Variants in TFRC observed in about 807,000 individuals in gnomAD.
The protein encoded by TFRC is transferrin receptor protein 1.
In TFRC, 35 loss-of-function variants were observed where a neutral mutation model predicts 85.8. That is an observed-to-expected ratio of 0.41 (90% CI 0.31 to 0.54). The LOEUF (loss-of-function observed/expected upper bound fraction) is 0.54, where lower values mean the gene tolerates loss of function less well. TFRC is among the 20% of genes least tolerant of loss of function. The pLI is 0.31. For missense variants in TFRC, 828 were observed against 921.5 expected (o/e 0.90, Z 1.31); for synonymous variants, 362 against 328.6 (o/e 1.10, Z -1.10).
At chr3:196,081,044 G>A (rs1719127745) in intron 1 of TFRC, among the ~76,000 whole-genome samples, 1 of 152,166 alleles carries the variant, frequency 6.6e-6, no homozygotes, top group African/African-American at 2.4e-5. Context: ...CAGAGGGAAA[G>A]CGTTATCCGA....
intron 4 of TFRC, among the ~76,000 whole-genome samples, chr3:196,073,701 G>A (rs1182529021): frequency 6.6e-6 from 1 of 152,004 alleles, no homozygotes; most frequent in Non-Finnish European, 1.5e-5. Flanking sequence ...AAACATCAAG[G>A]GCCTATTAAT....
chr3:196,049,337 A>G lies in TFRC; in HGVS notation c.*2605T>C, dbSNP rs558333308. ...ACAAGGAATCTCCACACTGTTGCAC[A>G]TAACAGCTTTTATACAATGATAAGG... On this transcript the variant is annotated 3_prime_UTR_variant, in exon 19 of 19. Coordinates refer to ENST00000360110, the MANE Select transcript of TFRC (RefSeq NM_001128148.3). 2 of 190,806 alleles carry G rather than the reference A, an allele frequency of 1.0e-5. No homozygotes were observed. The highest frequency in any genetic ancestry group is 8.4e-5 in the East Asian group (1 of 11,836). 11.8% of individuals were successfully genotyped at this position (190,806 alleles called of 1,614,324 possible).
intron 18 of TFRC, 86 bp downstream of exon 18, chr3:196,053,332 T>C: frequency 6.8e-7 from 1 of 1,477,368 alleles, no homozygotes. Context: ...TCTAGACTCC[T>C]AGAGTTTGTC....
rs41299370 is a variant in TFRC at position 196,050,194 on chromosome 3, A to T, written c.*1748T>A. On this transcript the variant is annotated 3_prime_UTR_variant, in exon 19 of 19. Coordinates refer to ENST00000360110, the MANE Select transcript of TFRC (RefSeq NM_001128148.3). ...ACATGCAAATAATGTGATAAAGTTA[A>T]AATGACTTGTCAATAGCAAACATTA... 2 of 227,010 alleles carry T rather than the reference A, an allele frequency of 8.8e-6. No individual in the cohort carries two copies. The highest frequency in any genetic ancestry group is 1.3e-4 in the East Asian group (2 of 15,744). The allele number at this position is 227,010 out of a possible 1,614,324, so 14.1% of individuals were successfully genotyped here.
chr3:196,072,269 T>G, intron 4 of TFRC, 117 bp from the exon 5 acceptor site: 1 of 1,370,116 alleles, frequency 7.3e-7, no homozygotes, highest in South Asian at 1.3e-5. Context: ...TTCAGATAAA[T>G]GAACTGTGAC....
chr3:196,054,605 T>C (rs1470897268), intron 17 of TFRC, among the ~76,000 whole-genome samples: 1 of 152,216 alleles, frequency 6.6e-6, no homozygotes, highest in South Asian at 2.1e-4. Flanking sequence ...CCAGCAATCC[T>C]CCTGCCTCAG....
chr3:196,053,328 C>A, intron 18 of TFRC, 90 bp downstream of exon 18: 1 of 1,430,724 alleles, frequency 7.0e-7, no homozygotes. Flanking sequence ...GAATTCTAGA[C>A]TCCTAGAGTT....
At position 196,058,368 on chromosome 3, in the gene TFRC, G is replaced by A; in HGVS notation, c.1596-3C>T. 1.2e-6 allele frequency: 2 copies of A among 1,611,718 alleles called. No individual in the cohort carries two copies. Among genetic ancestry groups the A allele is most frequent in the Non-Finnish European group, 8.5e-7 (1 of 1,178,070 alleles). ...CATTGTCTAAAGTGAGTTTCTCACT[G>A]CAAAGACAAAGAATGTGTCTTTAGA... On this transcript the variant is annotated splice_polypyrimidine_tract_variant and splice_region_variant and intron_variant, in intron 15 of 18. Coordinates refer to ENST00000360110, the MANE Select transcript of TFRC (RefSeq NM_001128148.3).
chr3:196,074,006 G>A lies in TFRC; in HGVS notation c.358C>T (p.Arg120Cys), dbSNP rs768793663. The change falls in exon 4 of 19, where the codon CGT becomes TGT. Residue 120 changes from arginine (R) to cysteine (C), a missense_variant. Transcript: ENST00000360110. ...EEPGEDFPAARRLYWDDLKRK... is the reference protein window; with the variant it reads ...EEPGEDFPAACRLYWDDLKRK... ...TTCAGGTCATCCCAATATAAGCGAC[G>A]TGCTGCAGGGAAGTCCTCTCCTGGC... 16 of 1,614,136 alleles carry A rather than the reference G, an allele frequency of 9.9e-6. No homozygotes were observed. The highest frequency in any genetic ancestry group is 2.2e-5 in the East Asian group (1 of 44,886).
intron 9 of TFRC, among the ~76,000 whole-genome samples, chr3:196,067,000 G>A (rs758509926): frequency 2.6e-5 from 4 of 152,314 alleles, no homozygotes; most frequent in Non-Finnish European, 4.4e-5. Context: ...AGACACTAAC[G>A]TTACAGGGAG....
chr3:196,081,756 A>G (rs2108663108), intron 1 of TFRC: 1 of 152,646 alleles, frequency 6.6e-6, no homozygotes, highest in African/African-American at 2.4e-5. Flanking sequence ...GAAGGCAGAG[A>G]GAAGGGAAGG....
intron 4 of TFRC, among the ~76,000 whole-genome samples, chr3:196,073,250 G>A (rs1406216145): frequency 7.0e-6 from 1 of 141,922 alleles, no homozygotes; most frequent in African/African-American, 2.6e-5. Context: ...AAAAATCTAA[G>A]AACAGACCGG....
intron 6 of TFRC, among the ~76,000 whole-genome samples, chr3:196,070,656 G>A (rs1291648797): frequency 6.6e-6 from 1 of 151,780 alleles, no homozygotes; most frequent in East Asian, 1.9e-4. Context: ...AGGGCTGGGC[G>A]AAGCAGCTTC....
chr3:196,056,304 T>G (rs1219684009), intron 16 of TFRC, among the ~76,000 whole-genome samples: 1 of 152,092 alleles, frequency 6.6e-6, no homozygotes, highest in East Asian at 1.9e-4. Flanking sequence ...GCCGGAATTA[T>G]AGGTGTGAGT....
intron 10 of TFRC, among the ~76,000 whole-genome samples, chr3:196,065,063 A>G (rs961478057): frequency 6.6e-6 from 1 of 151,972 alleles, no homozygotes; most frequent in Admixed American, 6.6e-5. Context: ...CTCTGACCTC[A>G]TGGAGCCTGA....
chr3:196,052,079 A>C lies in TFRC; in HGVS notation c.2146T>G (p.Leu716Val), dbSNP rs1271237160. ...CCGTTATTTTGTTTACGCAGTTTCAAGTTCTCCAGTAAAGCTGGCAGCGTG... is the reference window on the plus strand; with the variant it reads ...CCGTTATTTTGTTTACGCAGTTTCACGTTCTCCAGTAAAGCTGGCAGCGTG... ...SHTLPALLEN[L>V]KLRKQNNGAF... The change falls in exon 19 of 19, where the codon TTG becomes GTG. Residue 716 changes from leucine (L) to valine (V), a missense_variant. Leu to Val is a conservative substitution (Grantham distance 32). Coordinates refer to ENST00000360110, the MANE Select transcript of TFRC (RefSeq NM_001128148.3). The C allele has an allele frequency of 1.2e-6, 2 of 1,614,058 alleles. No homozygotes were observed. Among genetic ancestry groups the C allele is most frequent in the Admixed American group, 1.7e-5 (1 of 59,996 alleles).
intron 18 of TFRC, 105 bp from the exon 19 acceptor site, chr3:196,052,289 AG>A: frequency 9.8e-7 from 1 of 1,018,620 alleles, no homozygotes; most frequent in Non-Finnish European, 1.4e-6. Flanking sequence ...AATGCCGATC[AG>A]ACTTTTTTTT....
intron 1 of TFRC, among the ~76,000 whole-genome samples, chr3:196,078,731 A>G (rs1378321740): frequency 6.6e-6 from 1 of 152,218 alleles, no homozygotes; most frequent in Non-Finnish European, 1.5e-5. Flanking sequence ...TCAAGCTTTA[A>G]AAACCAGTGT....
chr3:196,070,689 G>T (rs1198639486), intron 6 of TFRC, among the ~76,000 whole-genome samples: 1 of 151,274 alleles, frequency 6.6e-6, no homozygotes, highest in African/African-American at 2.4e-5. Flanking sequence ...CAGCACTTTG[G>T]GAGGCTGAGG....
Sources: allele counts gnomAD v4.1 joint callset (sites outside exome capture counted in the v4.1 genomes callset), GRCh38; gene constraint gnomAD v4.1.1; transcripts MANE v1.5; gene names NCBI Gene and HGNC (gene_info 2026-07-23, HGNC 2026-07-21).